ERH: variants seen among roughly 807,000 people sequenced by gnomAD.
The protein encoded by ERH is enhancer of rudimentary homolog.
In ERH, 1 loss-of-function variant was observed where a neutral mutation model predicts 16.8. The observed-to-expected ratio is 0.06, with a 90% CI of 0.02 to 0.28. The LOEUF is 0.28. ERH is among the 10% of genes least tolerant of loss of function. The pLI, the probability that ERH is intolerant of heterozygous loss-of-function variation, is 1.00. For missense variants in ERH, 42 were observed against 127.5 expected (o/e 0.33, Z 3.23); for synonymous variants, 43 against 43.6 (o/e 0.99, Z 0.05).
intron 3 of ERH, among the ~76,000 whole-genome samples, chr14:69,381,892 G>A (rs376801546): frequency 6.6e-6 from 1 of 152,224 alleles, no homozygotes; most frequent in Non-Finnish European, 1.5e-5. Flanking sequence ...GTTTCACTAT[G>A]TTGGCCAGGT....
At chr14:69,385,465 TC>T (rs887254972) in intron 3 of ERH, among the ~76,000 whole-genome samples, 3 of 152,160 alleles carry the variant, frequency 2.0e-5, no homozygotes, top group African/African-American at 7.2e-5. Flanking sequence ...TTGCCTGTCC[TC>T]CCTTTTTTAT....
chr14:69,396,661 C>T (rs1437925816), intron 1 of ERH, among the ~76,000 whole-genome samples: 1 of 152,188 alleles, frequency 6.6e-6, no homozygotes, highest in Non-Finnish European at 1.5e-5. Context: ...ACATGACATG[C>T]AAAACCAAGG....
chr14:69,394,839 T>C lies in ERH; in HGVS notation c.77A>G (p.Asn26Ser). 2 of 1,613,166 alleles carry C rather than the reference T, an allele frequency of 1.2e-6. No homozygotes were observed. Among genetic ancestry groups the C allele is most frequent in the Non-Finnish European group, 1.7e-6 (2 of 1,179,266 alleles). ...GTTAAACTCACCTTCCATGCATTCA[T>C]TCACAGATTCGTAGTCAGCATAAGT... ...GRTYADYESVNECMEGVCKMY... is the reference protein window; with the variant it reads ...GRTYADYESVSECMEGVCKMY... Residue 26 changes from asparagine to serine, a missense_variant, in exon 2 of 4, where the codon AAT becomes AGT. Physicochemically the swap from Asn to Ser is conservative, Grantham distance 46. Transcript: ENST00000557016.
intron 2 of ERH, among the ~76,000 whole-genome samples, chr14:69,393,986 C>A (rs1279274152): frequency 1.3e-5 from 2 of 151,606 alleles, no homozygotes; most frequent in African/African-American, 4.9e-5. Context: ...ACCACTGTAC[C>A]CCAGCCTGGG....
At chr14:69,386,675 GA>G (rs992361498) in intron 3 of ERH, 498 of 233,026 alleles carry the variant, frequency 2.1e-3, no homozygotes, top group Middle Eastern at 4.0e-3. Context: ...GACTGTAAAG[GA>G]AAAAAAAAAT....
chr14:69,395,435 A>G (rs911029293), intron 1 of ERH, among the ~76,000 whole-genome samples: 3 of 152,158 alleles, frequency 2.0e-5, no homozygotes, highest in Admixed American at 6.5e-5. Context: ...ACTGCCTACA[A>G]GTAATCAGTA....
chr14:69,383,368 T>C (rs553564437), intron 3 of ERH, among the ~76,000 whole-genome samples: 2 of 152,346 alleles, frequency 1.3e-5, no homozygotes, highest in African/African-American at 4.8e-5. Context: ...GCCATGTAAA[T>C]TTAATAGAAA....
intron 2 of ERH, among the ~76,000 whole-genome samples, chr14:69,387,908 T>C (rs2140231238): frequency 6.6e-6 from 1 of 152,184 alleles, no homozygotes; most frequent in Middle Eastern, 3.4e-3. Flanking sequence ...TAGCCAGGCA[T>C]GGTGGCAGGC....
chr14:69,383,190 T>G (rs2045872929), intron 3 of ERH, among the ~76,000 whole-genome samples: 1 of 152,266 alleles, frequency 6.6e-6, no homozygotes, highest in Non-Finnish European at 1.5e-5. Flanking sequence ...TGGAAAAATC[T>G]GACTCTGACT....
intron 2 of ERH, among the ~76,000 whole-genome samples, chr14:69,394,145 A>G (rs747388985): frequency 3.3e-5 from 5 of 152,180 alleles, no homozygotes; most frequent in Non-Finnish European, 5.9e-5. Flanking sequence ...ACAAGCCTAT[A>G]GTGTTTGAGC....
At chr14:69,386,887 A>G in intron 3 of ERH, 76 bp downstream of exon 3, 1 of 1,432,208 alleles carries the variant, frequency 7.0e-7, no homozygotes, top group East Asian at 2.3e-5. Flanking sequence ...ATTAGCTCCC[A>G]ATACCATAAA....
intron 2 of ERH, among the ~76,000 whole-genome samples, chr14:69,389,850 C>T (rs1194544078): frequency 6.6e-6 from 1 of 152,180 alleles, no homozygotes; most frequent in Non-Finnish European, 1.5e-5. Context: ...CAGCTCACTG[C>T]AGCCTTGACC....
intron 3 of ERH, among the ~76,000 whole-genome samples, chr14:69,382,908 A>G (rs1165803763): frequency 2.0e-5 from 3 of 152,150 alleles, no homozygotes; most frequent in Non-Finnish European, 4.4e-5. Flanking sequence ...TAAAATGCCT[A>G]GTCATTGGCA....
Position 69,398,298 on chromosome 14 carries a change from A to T in ERH, c.-65T>A, listed in dbSNP as rs543758111. 4.4e-4 allele frequency: 711 copies of T among 1,610,680 alleles called. 5 individuals are homozygous for T. In the African/African-American group the frequency reaches 8.5e-3, roughly 19 times the overall value. On this transcript the variant is annotated 5_prime_UTR_variant, in exon 1 of 4. The change creates a new upstream start codon in the 5' untranslated region. Coordinates refer to ENST00000557016, the MANE Select transcript of ERH (RefSeq NM_004450.3). ...CCGCCGTTACACGAGCTTAACTACA[A>T]CGCCGCTAACAGCCAATCCTCGCGA...
intron 2 of ERH, among the ~76,000 whole-genome samples, chr14:69,392,519 T>A (rs1011578846): frequency 9.2e-5 from 14 of 151,602 alleles, no homozygotes; most frequent in Non-Finnish European, 1.6e-4. Flanking sequence ...AGGTTGAGGG[T>A]GGGGTAGGAG....
intron 3 of ERH, among the ~76,000 whole-genome samples, chr14:69,382,660 C>T (rs1052972485): frequency 2.2e-4 from 32 of 148,770 alleles, no homozygotes; most frequent in Admixed American, 4.7e-4. Context: ...TGTGAAACCC[C>T]GTCTCCACCA....
intron 3 of ERH, among the ~76,000 whole-genome samples, chr14:69,382,359 G>A (rs1322307417): frequency 6.6e-6 from 1 of 152,186 alleles, no homozygotes; most frequent in Admixed American, 6.5e-5. Context: ...ACTGCAAAAT[G>A]TAGCAGAAGA....
intron 1 of ERH, among the ~76,000 whole-genome samples, chr14:69,395,438 A>C (rs1203967357): frequency 6.6e-6 from 1 of 152,162 alleles, no homozygotes; most frequent in African/African-American, 2.4e-5. Context: ...GCCTACAAGT[A>C]ATCAGTATAA....
chr14:69,384,329 G>C (rs149143861), intron 3 of ERH, among the ~76,000 whole-genome samples: 3 of 152,162 alleles, frequency 2.0e-5, no homozygotes, highest in Non-Finnish European at 4.4e-5. Context: ...GGAGTCTTAT[G>C]AACTAGATTT....
Sources: allele counts gnomAD v4.1 joint callset (sites outside exome capture counted in the v4.1 genomes callset), GRCh38; gene constraint gnomAD v4.1.1; transcripts MANE v1.5; gene names NCBI Gene and HGNC (gene_info 2026-07-23, HGNC 2026-07-21).